Variants in GABRA2 observed in about 807,000 individuals in gnomAD.
The protein encoded by GABRA2 is gamma-aminobutyric acid type A receptor subunit alpha2, also known as gamma-aminobutyric acid receptor subunit alpha-2.
Under a neutral mutation model 48.7 loss-of-function variants are expected in GABRA2, and 16 were observed. The observed-to-expected ratio is 0.33, with a 90% CI of 0.22 to 0.50. GABRA2 has a LOEUF of 0.50. GABRA2 is among the 20% of genes least tolerant of loss of function. The pLI, the probability that GABRA2 is intolerant of heterozygous loss-of-function variation, is 0.98. For missense variants in GABRA2, 275 were observed against 535.6 expected, an observed-to-expected ratio of 0.51 and a Z score of 4.80; for synonymous variants, 185 against 184.5, an observed-to-expected ratio of 1.00 and a Z score of -0.02.
At chr4:46,251,890 C>A (rs1714840030) in intron 9 of GABRA2, among the ~76,000 whole-genome samples, 1 of 151,356 alleles carries the variant, frequency 6.6e-6, no homozygotes, top group Non-Finnish European at 1.5e-5. Flanking sequence ...ATATATAATT[C>A]ATTTAATAAA....
At chr4:46,381,880 A>C (rs2109357643) in intron 3 of GABRA2, among the ~76,000 whole-genome samples, 1 of 152,302 alleles carries the variant, frequency 6.6e-6, no homozygotes, top group East Asian at 1.9e-4. Context: ...CTGGTGTAGT[A>C]ATTAAATAAT....
rs144003654 is a variant in GABRA2, at chr4:46,389,134, G to C, written c.-10-418C>G. ...GGAAAGGAGAGGAGAGGAGAGATGG[G>C]TACTTCACGCCACAACCCCCTCAAC... is the stretch of plus-strand genomic sequence containing the variant. On this transcript the variant is annotated intron_variant, in intron 1 of 9. Transcript: ENST00000381620. 2,810 of 994,358 alleles carry C rather than the reference G, an allele frequency of 2.8e-3. 5 individuals carry two copies. The highest frequency in any genetic ancestry group is 3.1e-3 in the Non-Finnish European group (2,559 of 835,860). 61.6% of individuals were successfully genotyped at this position (994,358 alleles called of 1,614,324 possible).
In GABRA2 at chr4:46,386,196, A is replaced by G. The variant is rs1717425252; in HGVS notation, c.72-7T>C. 1 of 1,543,882 alleles carries G rather than the reference A, an allele frequency of 6.5e-7. No homozygotes were observed. The highest frequency in any genetic ancestry group is 1.8e-5 in the Admixed American group (1 of 56,106). On this transcript the variant is annotated splice_polypyrimidine_tract_variant and splice_region_variant and intron_variant, in intron 2 of 9. Coordinates refer to ENST00000381620, the MANE Select transcript of GABRA2 (RefSeq NM_000807.4). The stretch of plus-strand genomic sequence containing the variant: ...GATGTTAGCCAGCACCAACCTAAAC[A>G]GATAATTTTAAAAGCTGATATATAT...
chr4:46,345,936 G>A (rs1366494339), intron 3 of GABRA2, among the ~76,000 whole-genome samples: 1 of 151,946 alleles, frequency 6.6e-6, no homozygotes, highest in Non-Finnish European at 1.5e-5. Flanking sequence ...AATGTACAAT[G>A]CTGAGAGTAA....
rs533989662 is a variant in GABRA2 at position 46,386,727 on chromosome 4, A to G, written c.72-538T>C. The G allele has an allele frequency of 4.5e-5, 7 of 153,994 alleles. No homozygotes were observed. In the Admixed American group the frequency reaches 4.6e-4, roughly 10 times the overall value. The allele number at this position is 153,994 out of a possible 1,614,324, so 9.5% of individuals were successfully genotyped here. On this transcript the variant is annotated intron_variant, in intron 2 of 9. Coordinates refer to ENST00000381620, the MANE Select transcript of GABRA2 (RefSeq NM_000807.4). ...CTTACTTTGGGTATACCTCCACCCA[A>G]TGGCCAAGTGCAATATAAGCATCAG...
chr4:46,302,130 A>T, intron 8 of GABRA2, among the ~76,000 whole-genome samples: 1 of 151,364 alleles, frequency 6.6e-6, no homozygotes, highest in East Asian at 1.9e-4. Context: ...GTGCAACGGC[A>T]TGATCATAGC....
chr4:46,323,363 A>C (rs748863567), intron 4 of GABRA2, among the ~76,000 whole-genome samples: 1 of 151,694 alleles, frequency 6.6e-6, no homozygotes, highest in African/African-American at 2.4e-5. Context: ...CTGTTTTTCC[A>C]TTGTGTAGCT....
chr4:46,378,074 G>T (rs1400077591), intron 3 of GABRA2, among the ~76,000 whole-genome samples: 1 of 152,144 alleles, frequency 6.6e-6, no homozygotes, highest in Non-Finnish European at 1.5e-5. Context: ...GCCCCATCAG[G>T]GAGGTGAGGG....
chr4:46,305,391 T>C, intron 7 of GABRA2, among the ~76,000 whole-genome samples, 177 bp downstream of exon 7: 1 of 148,508 alleles, frequency 6.7e-6, no homozygotes, highest in Non-Finnish European at 1.5e-5. Flanking sequence ...TGTGCACATG[T>C]ACCCTAAAAC....
chr4:46,251,340 C>T (rs986194519), intron 9 of GABRA2, among the ~76,000 whole-genome samples: 1 of 151,508 alleles, frequency 6.6e-6, no homozygotes, highest in Admixed American at 6.6e-5. Context: ...GATCATTTAA[C>T]TTCTATGCTT....
intron 3 of GABRA2, among the ~76,000 whole-genome samples, chr4:46,361,238 C>T (rs1408117509): frequency 6.6e-6 from 1 of 152,058 alleles, no homozygotes; most frequent in Non-Finnish European, 1.5e-5. Flanking sequence ...CATCACAGAC[C>T]TGGAAGTTTT....
At chr4:46,359,746 T>C (rs1217835016) in intron 3 of GABRA2, among the ~76,000 whole-genome samples, 1 of 151,988 alleles carries the variant, frequency 6.6e-6, no homozygotes, top group East Asian at 1.9e-4. Context: ...TGAAACCCTG[T>C]CTCTACTAAA....
At chr4:46,265,018 GAGAT>G (rs1397156299) in intron 8 of GABRA2, among the ~76,000 whole-genome samples, 1 of 71,154 alleles carries the variant, frequency 1.4e-5, no homozygotes, top group African/African-American at 5.1e-5. Flanking sequence ...AAGAGAGAGA[GAGAT>G]AGAGAGAGAG....
intron 6 of GABRA2, 41 bp downstream of exon 6, chr4:46,310,132 T>C (rs1727389261): frequency 4.8e-6 from 7 of 1,462,862 alleles, no homozygotes; most frequent in South Asian, 1.1e-5. Context: ...CTTTCCCTGA[T>C]ATTATTGACC....
At chr4:46,376,551 A>G (rs1043715537) in intron 3 of GABRA2, among the ~76,000 whole-genome samples, 2 of 152,266 alleles carry the variant, frequency 1.3e-5, no homozygotes, top group East Asian at 1.9e-4. Context: ...TTAACCAAAA[A>G]TGTTTTCAGA....
At position 46,386,250 on chromosome 4, in the gene GABRA2, T is replaced by C. The variant is rs1717433794; in HGVS notation, c.72-61A>G. 13 of 978,180 alleles carry C rather than the reference T, an allele frequency of 1.3e-5. No individual in the cohort carries two copies. The South Asian group carries it at 1.5e-4, about 11-fold the overall frequency. The allele number at this position is 978,180 out of a possible 1,614,324, so 60.6% of individuals were successfully genotyped here. On this transcript the variant is annotated intron_variant, in intron 2 of 9. Transcript: ENST00000381620. ...TATGTGTGTTTTGCAAATGCCAACATGCTTTTCTTCCTTAATTTAAATTTT... is the reference window on the plus strand; with the variant it reads ...TATGTGTGTTTTGCAAATGCCAACACGCTTTTCTTCCTTAATTTAAATTTT...
chr4:46,386,519 C>A (rs1300488519), intron 2 of GABRA2, among the ~76,000 whole-genome samples: 1 of 152,168 alleles, frequency 6.6e-6, no homozygotes, highest in Non-Finnish European at 1.5e-5. Context: ...CACATGCAAA[C>A]ACTATTAGTA....
chr4:46,386,492 T>C (rs1221836176), intron 2 of GABRA2, among the ~76,000 whole-genome samples: 2 of 152,206 alleles, frequency 1.3e-5, no homozygotes, highest in Admixed American at 6.5e-5. Flanking sequence ...CTGGGATATA[T>C]TATGATTGTA....
chr4:46,375,242 T>G (rs1715516565), intron 3 of GABRA2, among the ~76,000 whole-genome samples: 1 of 152,176 alleles, frequency 6.6e-6, no homozygotes, highest in Admixed American at 6.5e-5. Context: ...TATTTAAACA[T>G]TAATTTTATT....
Sources: gnomAD v4.1 joint callset for allele counts (sites outside exome capture counted in the v4.1 genomes callset) on GRCh38, gnomAD v4.1.1 for gene constraint, MANE v1.5 for transcripts, NCBI Gene and HGNC (gene_info 2026-07-23, HGNC 2026-07-21) for gene names.